RNASEH2B: variants seen among roughly 807,000 people sequenced by gnomAD.
The protein encoded by RNASEH2B is ribonuclease H2 subunit B.
Under a neutral mutation model 45.0 loss-of-function variants are expected in RNASEH2B, and 36 were observed. The observed-to-expected ratio is 0.80, with a 90% CI of 0.61 to 1.06. The LOEUF is 1.06. Among genes scored for constraint, RNASEH2B ranks in the 50% least tolerant of loss-of-function variants. The probability of loss-of-function intolerance (pLI) is 0.00; values close to 1 mark genes in which losing one functional copy is unlikely to be tolerated. For synonymous variants in RNASEH2B, 119 were observed against 125.7 expected (o/e 0.95, Z 0.35); for missense variants, 361 against 360.3 (o/e 1.00, Z -0.02).
chr13:50,953,835 G>GTTT, intron 9 of RNASEH2B, 70 bp from the exon 10 acceptor site: 1 of 1,016,598 alleles, frequency 9.8e-7, no homozygotes, highest in Non-Finnish European at 1.5e-6. Flanking sequence ...TACATGTTGG[G>GTTT]TTTTTTTTTA....
intron 6 of RNASEH2B, 51 bp downstream of exon 6, chr13:50,943,445 A>G (rs778136566): frequency 1.5e-6 from 2 of 1,331,656 alleles, no homozygotes; most frequent in South Asian, 2.4e-5. Flanking sequence ...TCAGTTCTCT[A>G]AGAAATTTTC....
chr13:50,912,449 T>C (rs779658768), intron 1 of RNASEH2B: 4 of 152,274 alleles, frequency 2.6e-5, no homozygotes, highest in Admixed American at 6.5e-5. Context: ...GTAAAGACTT[T>C]GGGAACTAGA....
At chr13:50,951,341 C>T (rs1951973301) in intron 9 of RNASEH2B, 1 of 152,166 alleles carries the variant, frequency 6.6e-6, no homozygotes, top group South Asian at 2.1e-4. Context: ...TTGACTGTTT[C>T]CAGGAAATAT....
At chr13:50,954,282 A>AT (rs1350755072) in intron 10 of RNASEH2B, 3 of 522,404 alleles carry the variant, frequency 5.7e-6, no homozygotes, top group Non-Finnish European at 6.7e-6. Context: ...TCTACAGGTA[A>AT]TTTTTTGTCA....
intron 9 of RNASEH2B, chr13:50,952,740 C>T (rs2138016324): frequency 6.6e-6 from 1 of 152,278 alleles, no homozygotes; most frequent in East Asian, 1.9e-4. Flanking sequence ...TATACATTCA[C>T]TTGGTGCTGA....
At chr13:50,933,218 C>T in intron 4 of RNASEH2B, among the ~76,000 whole-genome samples, 1 of 152,230 alleles carries the variant, frequency 6.6e-6, no homozygotes, top group Admixed American at 6.5e-5. Context: ...TATTGATCTG[C>T]ACTTAAGGCT....
At chr13:50,960,121 T>G (rs1446478489), downstream of RNASEH2B, 1 of 1,082,682 alleles carries the variant, frequency 9.2e-7, no homozygotes, top group African/African-American at 1.6e-5. Context: ...TTCATTGCTA[T>G]TAATGAAATC....
intron 9 of RNASEH2B, chr13:50,969,822 TA>T: frequency 9.0e-7 from 1 of 1,110,532 alleles, no homozygotes; most frequent in Non-Finnish European, 1.3e-6. Flanking sequence ...CCCTCAGGAC[TA>T]AACCCGCCAG....
downstream of RNASEH2B, among the ~76,000 whole-genome samples, chr13:50,960,705 T>C (rs573241391): frequency 2.6e-5 from 4 of 152,342 alleles, no homozygotes; most frequent in East Asian, 7.7e-4. Flanking sequence ...AATATAGTTT[T>C]CAATTAGACT....
chr13:50,928,597 A>G (rs1951632774), intron 2 of RNASEH2B: 1 of 152,228 alleles, frequency 6.6e-6, no homozygotes. Context: ...TATTTGCTAC[A>G]TTGGCAGTGG....
At chr13:50,969,795 G>A (rs906929955) in intron 9 of RNASEH2B, 1 of 764,532 alleles carries the variant, frequency 1.3e-6, no homozygotes, top group South Asian at 1.8e-5. Flanking sequence ...TCTCTTAGAA[G>A]CGAAAATGCT....
intron 1 of RNASEH2B, among the ~76,000 whole-genome samples, chr13:50,915,728 C>T (rs189290337): frequency 3.3e-5 from 5 of 152,312 alleles, no homozygotes; most frequent in Admixed American, 1.3e-4. Flanking sequence ...TTTATGACTT[C>T]CTTGTCTAAG....
chr13:50,945,335 C>A (rs1951886305), intron 6 of RNASEH2B, 92 bp from the exon 7 acceptor site: 3 of 830,016 alleles, frequency 3.6e-6, no homozygotes, highest in South Asian at 2.7e-5. Context: ...CTTTGCAGAT[C>A]TCTTAAATGG....
chr13:50,916,512 C>T (rs1209644661), intron 1 of RNASEH2B, among the ~76,000 whole-genome samples: 1 of 152,068 alleles, frequency 6.6e-6, no homozygotes, highest in African/African-American at 2.4e-5. Flanking sequence ...AGACAGTAGA[C>T]AGTACATATT....
chr13:50,937,875 G>A (rs1951777066), intron 5 of RNASEH2B: 1 of 152,162 alleles, frequency 6.6e-6, no homozygotes, highest in Admixed American at 6.5e-5. Context: ...CTTCCCCCAA[G>A]ACTGGATACA....
rs1395602025 is a variant in RNASEH2B, at chr13:50,927,430, A to G, written c.88A>G (p.Lys30Glu). ...AGAATATTTAAAAGATGCTTCAAAG[A>G]AGATGAAAAATGGGCTAATGTTTGT... Reference protein sequence around the residue: ...VSEYLKDASKKMKNGLMFVKL... With the variant: ...VSEYLKDASKEMKNGLMFVKL... The change falls in exon 2 of 11, where the codon AAG (lysine) becomes GAG (glutamate). Residue 30 changes from lysine (K) to glutamate (E), a missense_variant. Physicochemically the swap from Lys to Glu is moderately conservative, Grantham distance 56. Transcript: ENST00000336617. 4.4e-6 allele frequency: 7 copies of G among 1,599,276 alleles called. No individual in the cohort carries two copies. The highest frequency in any genetic ancestry group is 1.3e-5 in the African/African-American group (1 of 74,604).
intron 9 of RNASEH2B, among the ~76,000 whole-genome samples, chr13:50,964,727 C>A (rs886426838): frequency 6.6e-6 from 1 of 152,162 alleles, no homozygotes; most frequent in Non-Finnish European, 1.5e-5. Flanking sequence ...CCAGCAAAGT[C>A]GAGATCTTTA....
chr13:50,910,251 GGGA>G (rs1879282311), intron 1 of RNASEH2B, 111 bp downstream of exon 1: 2 of 689,100 alleles, frequency 2.9e-6, no homozygotes, highest in African/African-American at 3.8e-5. Flanking sequence ...GGCCCGGCGC[GGGA>G]TGGGATTCTC....
intron 4 of RNASEH2B, among the ~76,000 whole-genome samples, chr13:50,931,432 TTAAAAA>T (rs1951679879): frequency 6.6e-6 from 1 of 152,174 alleles, no homozygotes; most frequent in African/African-American, 2.4e-5. Context: ...TATTTAAAAG[TTAAAAA>T]TAATAAGGCC....
Sources: gnomAD v4.1 joint callset for allele counts (sites outside exome capture counted in the v4.1 genomes callset) on GRCh38, gnomAD v4.1.1 for gene constraint, MANE v1.5 for transcripts, NCBI Gene and HGNC (gene_info 2026-07-23, HGNC 2026-07-21) for gene names.